RUVBL1: variants seen among roughly 807,000 people sequenced by gnomAD.
RUVBL1 encodes the protein RuvB like AAA ATPase 1, also known as ruvB-like 1.
In RUVBL1, 4 loss-of-function variants were observed where a neutral mutation model predicts 52.4. The ratio of observed to expected loss-of-function variants is 0.08; its 90% CI spans 0.04 to 0.17. The LOEUF is 0.17. Among genes scored for constraint, RUVBL1 ranks in the 10% least tolerant of loss-of-function variants. The probability of loss-of-function intolerance (pLI) is 1.00; values close to 1 mark genes in which losing one functional copy is unlikely to be tolerated. For synonymous variants in RUVBL1, 217 were observed against 214.4 expected (o/e 1.01, Z -0.10); for missense variants, 298 against 572.8 (o/e 0.52, Z 4.90).
At chr3:128,115,578 T>G (rs942864698) in intron 2 of RUVBL1, among the ~76,000 whole-genome samples, 1 of 152,158 alleles carries the variant, frequency 6.6e-6, no homozygotes. Flanking sequence ...GACAAACTTA[T>G]AAGGTAATAC....
intron 3 of RUVBL1, among the ~76,000 whole-genome samples, chr3:128,108,444 T>A (rs1239937167): frequency 1.3e-5 from 2 of 152,228 alleles, no homozygotes; most frequent in African/African-American, 2.4e-5. Context: ...AAGTTACCTT[T>A]AAGCAATGCA....
At chr3:128,123,867 C>A, upstream of RUVBL1, 2 of 1,339,996 alleles carry the variant, frequency 1.5e-6, no homozygotes, top group Non-Finnish European at 1.9e-6. Context: ...GAAGCGGGAA[C>A]ACCTCCGCTC....
At chr3:128,114,937 C>T (rs1943485251) in intron 2 of RUVBL1, among the ~76,000 whole-genome samples, 1 of 152,072 alleles carries the variant, frequency 6.6e-6, no homozygotes, top group African/African-American at 2.4e-5. Context: ...AATTCAATGG[C>T]ACTCTCCCTC....
chr3:128,067,645 T>C lies in RUVBL1; in HGVS notation c.940-2425A>G. 1 of 1,535,984 alleles carries C rather than the reference T, an allele frequency of 6.5e-7. No homozygotes were observed. The highest frequency in any genetic ancestry group is 8.9e-7 in the Non-Finnish European group (1 of 1,117,976). On this transcript the variant is annotated intron_variant, in intron 9 of 9. Coordinates refer to the RUVBL1 transcript ENST00000464873. The surrounding 1 kb of genome is among the most constrained non-coding windows in gnomAD (Gnocchi z 4.1). ...GAAGCAAAACTTTCTGGAAGGGTGA[T>C]GAAAGTGTGACTGGTATAAGGGGTG...
chr3:128,118,184 CT>C (rs1348228706), intron 2 of RUVBL1, among the ~76,000 whole-genome samples: 1 of 152,144 alleles, frequency 6.6e-6, no homozygotes, highest in Non-Finnish European at 1.5e-5. Context: ...ACTGGACAAG[CT>C]AATGTTGCCT....
rs1257266981 is a variant in RUVBL1 at position 128,087,780 on chromosome 3, C to T, written c.1045G>A (p.Gly349Ser). Residue 349 changes from glycine to serine, a missense_variant, in exon 9 of 11, where the codon GGC becomes AGC. Coordinates refer to ENST00000322623, the MANE Select transcript of RUVBL1 (RefSeq NM_003707.3). ...RGTEDITSPHGIPLDLLDRVM... is the reference protein window; with the variant it reads ...RGTEDITSPHSIPLDLLDRVM... ...CGGTCCAGAAGGTCAAGAGGGATGC[C>T]GTGAGGGGATGTGATGTCCTCAGTG... 3.1e-6 allele frequency: 5 copies of T among 1,611,908 alleles called. No individual in the cohort carries two copies. The highest frequency in any genetic ancestry group is 1.7e-5 in the Admixed American group (1 of 59,924).
At chr3:128,068,632 A>C (rs1295993239) in intron 9 of RUVBL1, 1 of 154,028 alleles carries the variant, frequency 6.5e-6, no homozygotes, top group Non-Finnish European at 1.4e-5. Context: ...GGGAGGCCAC[A>C]TACCTGCCAG....
chr3:128,137,227 G>A (rs1943961014), intron 1 of RUVBL1, among the ~76,000 whole-genome samples: 1 of 151,840 alleles, frequency 6.6e-6, no homozygotes, highest in Non-Finnish European at 1.5e-5. Context: ...AAATAAAATT[G>A]AAATAAAAAT....
downstream of RUVBL1, chr3:128,075,923 C>G (rs951150893): frequency 2.0e-5 from 3 of 152,470 alleles, no homozygotes; most frequent in Non-Finnish European, 4.4e-5. Context: ...AGCCGGGGCC[C>G]CCCCCTTCCC....
chr3:128,080,188 A>G (rs1268348371), downstream of RUVBL1, among the ~76,000 whole-genome samples: 1 of 152,246 alleles, frequency 6.6e-6, no homozygotes, highest in Non-Finnish European at 1.5e-5. Context: ...GGGACACACG[A>G]GCCAACTGAC....
chr3:128,074,197 G>A (rs536737870), intron 9 of RUVBL1, among the ~76,000 whole-genome samples: 13 of 152,288 alleles, frequency 8.5e-5, no homozygotes, highest in African/African-American at 3.1e-4. Context: ...AGCCTAGGTG[G>A]CCATCAACAG....
chr3:128,087,127 G>A (rs906032823), intron 9 of RUVBL1, among the ~76,000 whole-genome samples: 11 of 152,242 alleles, frequency 7.2e-5, no homozygotes, highest in African/African-American at 1.9e-4. Flanking sequence ...GCCCAGGGGC[G>A]GCCTCCAAAG....
At position 128,136,634 on chromosome 3, in the gene RUVBL1, A is replaced by AC. The variant is rs571442484; in HGVS notation, c.-40+16568_-40+16569insG. Reference sequence around the variant, plus strand: ...GAGTGAGACCCTGTCAAAAAAAAAAAAAAAAACAATGATCTATTGCCTATA... The same window carrying AC: ...GAGTGAGACCCTGTCAAAAAAAAAAACAAAAAACAATGATCTATTGCCTATA... On this transcript the variant is annotated intron_variant, in intron 1 of 9. Coordinates refer to the RUVBL1 transcript ENST00000464873. Among the ~76,000 whole-genome samples the AC allele has an allele frequency of 1.7e-3, 264 of 151,814 alleles. 2 individuals are homozygous for AC. Among genetic ancestry groups the AC allele is most frequent in the Middle Eastern group, 0.01 (3 of 292 alleles).
rs1411397191 is a variant in RUVBL1, at chr3:128,147,876, G to A, written c.-40+5327C>T. Among the ~76,000 whole-genome samples the A allele has an allele frequency of 2.6e-5, 4 of 152,194 alleles. No homozygotes were observed. In the East Asian group the frequency reaches 7.7e-4, roughly 29 times the overall value. ...TCAACAGGTGACTGGGCAACCAAAT[G>A]ATGATCCATCCATATGATGGAATAC... is the stretch of plus-strand genomic sequence containing the variant. On this transcript the variant is annotated intron_variant, in intron 1 of 9. Transcript: ENST00000464873.
chr3:128,125,052 T>C (rs34204886), upstream of RUVBL1, among the ~76,000 whole-genome samples: 2 of 147,304 alleles, frequency 1.4e-5, no homozygotes, highest in Non-Finnish European at 3.0e-5. Context: ...TCTTGCTTTG[T>C]GGCCCAGGCG....
At chr3:128,149,175 CTCTT>C (rs760713103) in intron 1 of RUVBL1, among the ~76,000 whole-genome samples, 45 of 144,516 alleles carry the variant, frequency 3.1e-4, no homozygotes, top group Non-Finnish European at 4.5e-4. Context: ...CTCTTCTTTC[CTCTT>C]TCTTTCTTTC....
chr3:128,096,533 A>G (rs961256684), intron 8 of RUVBL1, among the ~76,000 whole-genome samples: 2 of 152,236 alleles, frequency 1.3e-5, no homozygotes, highest in Admixed American at 6.5e-5. Context: ...TGGGATAGAA[A>G]GAAAATGCTG....
At chr3:128,117,908 A>G (rs543640627) in intron 2 of RUVBL1, among the ~76,000 whole-genome samples, 7 of 152,350 alleles carry the variant, frequency 4.6e-5, no homozygotes, top group African/African-American at 1.7e-4. Context: ...AGACTTCTCA[A>G]AAACAACAGA....
At chr3:128,074,755 T>A (rs1942257314) in intron 9 of RUVBL1, among the ~76,000 whole-genome samples, 1 of 142,596 alleles carries the variant, frequency 7.0e-6, no homozygotes, top group East Asian at 2.1e-4. Context: ...GGCAGGAGAA[T>A]CACTTGAACC....
Sources: allele counts gnomAD v4.1 joint callset (sites outside exome capture counted in the v4.1 genomes callset), GRCh38; gene constraint gnomAD v4.1.1; non-coding constraint Gnocchi (gnomAD v3.1); transcripts MANE v1.5; gene names NCBI Gene and HGNC (gene_info 2026-07-23, HGNC 2026-07-21).